TMEM255A: variants seen among roughly 807,000 people sequenced by gnomAD.
TMEM255A encodes the protein family with sequence similarity 70, member A.
A neutral mutation model predicts 23.5 loss-of-function variants in TMEM255A; 14 were observed. The observed-to-expected ratio is 0.60, with a 90% CI of 0.39 to 0.93. The LOEUF is 0.93. Ranked by LOEUF, TMEM255A falls within the 40% of genes least tolerant of loss-of-function variation. The pLI is 0.00. For synonymous variants in TMEM255A, 104 were observed against 100.3 expected (o/e 1.04, Z -0.22); for missense variants, 233 against 261.7 (o/e 0.89, Z 0.76).
chrX:120,256,426 G>A (rs1556015473), downstream of TMEM255A: 4 of 122,143 alleles, frequency 3.3e-5, no homozygotes, highest in South Asian at 3.8e-4. Flanking sequence ...TTCATATTGC[G>A]TAGAATCTCC....
intron 7 of TMEM255A, 28 bp from the exon 8 acceptor site, chrX:120,268,415 C>G (rs1455522203): frequency 1.8e-5 from 20 of 1,117,738 alleles, no homozygotes; most frequent in Non-Finnish European, 2.3e-5. Context: ...TTAGAAACAA[C>G]ATAAACAGTC....
the TMEM255A span, chrX:120,253,297 G>A: frequency 1.3e-5 from 10 of 776,801 alleles, no homozygotes; most frequent in South Asian, 3.4e-4. Context: ...AAATTATGCT[G>A]AACTTTGGTT....
chrX:120,280,582 G>T (rs2057830766), intron 6 of TMEM255A, among the ~76,000 whole-genome samples: 1 of 110,820 alleles, frequency 9.0e-6, no homozygotes, highest in Non-Finnish European at 1.9e-5. Flanking sequence ...CATTCCCACT[G>T]CTCCCATCCT....
At chrX:120,253,752 A>G, downstream of TMEM255A, 1 of 1,211,818 alleles carries the variant, frequency 8.3e-7, no homozygotes, top group Non-Finnish European at 1.1e-6. Context: ...AGTGAAATTT[A>G]TAGCAGAGCT....
intron 2 of TMEM255A, among the ~76,000 whole-genome samples, chrX:120,296,913 ATAT>A (rs1449095505): frequency 4.6e-3 from 16 of 3,457 alleles, no homozygotes; most frequent in Admixed American, 6.3e-3. Flanking sequence ...TATTATATAT[ATAT>A]TATATATAAT....
chrX:120,309,618 A>G (rs2058086093), intron 1 of TMEM255A, among the ~76,000 whole-genome samples: 1 of 112,779 alleles, frequency 8.9e-6, no homozygotes, highest in Admixed American at 9.3e-5. Flanking sequence ...TCGGGGAGCC[A>G]GGGCTGCGTT....
At position 120,260,919 on chromosome X, in the gene TMEM255A, G is replaced by C. The variant is rs782532177; in HGVS notation, c.929C>G (p.Ser310Cys). 2 of 1,199,451 alleles carry C rather than the reference G, an allele frequency of 1.7e-6. No individual in the cohort carries two copies. The highest frequency in any genetic ancestry group is 3.6e-5 in the South Asian group (2 of 54,923). The change falls in exon 9 of 9, where the codon TCT becomes TGT. Residue 310 changes from serine to cysteine, a missense_variant. Coordinates refer to ENST00000371369, the MANE Select transcript of TMEM255A (RefSeq NM_001104544.3). ...MWSSSAPPRY[S>C]PPYYPPFEKP... ...TTCAAAAGGTGGATAGTAGGGTGGA[G>C]AGTAACGGGGCGGTGCACTTGAGGA... is the stretch of plus-strand genomic sequence containing the variant.
At chrX:120,254,303 T>G, downstream of TMEM255A, 1 of 1,212,109 alleles carries the variant, frequency 8.3e-7, no homozygotes, top group Non-Finnish European at 1.1e-6. Context: ...ATGTCAGTTC[T>G]TCACTTCCAA....
At position 120,260,649 on chromosome X, in the gene TMEM255A, G is replaced by A; in HGVS notation, c.*221C>T. 1 of 395,001 alleles carries A rather than the reference G, an allele frequency of 2.5e-6. No homozygotes were observed. Among genetic ancestry groups the A allele is most frequent in the East Asian group, 4.9e-5 (1 of 20,501 alleles). 32.6% of individuals were successfully genotyped at this position (395,001 alleles called of 1,213,427 possible). ...CTTGCTGGGCTGGCTCCCCAGTCTT[G>A]CTTAGAGAATGTGAGCTGCCCTTCT... On this transcript the variant is annotated 3_prime_UTR_variant, in exon 9 of 9. Transcript: ENST00000371369.
At chrX:120,253,883 C>T (rs2057616668), downstream of TMEM255A, 3 of 1,210,773 alleles carry the variant, frequency 2.5e-6, no homozygotes, top group East Asian at 8.9e-5. Context: ...AAGATGAAGC[C>T]CAAGATAATG....
At chrX:120,273,898 T>G (rs967605427) in intron 7 of TMEM255A, among the ~76,000 whole-genome samples, 1 of 111,999 alleles carries the variant, frequency 8.9e-6, no homozygotes, top group Non-Finnish European at 1.9e-5. Flanking sequence ...ACCCAGCAAT[T>G]CCACCCATAG....
At chrX:120,277,569 A>G (rs1556020094) in intron 6 of TMEM255A, among the ~76,000 whole-genome samples, 1 of 111,172 alleles carries the variant, frequency 9.0e-6, no homozygotes, top group Non-Finnish European at 1.9e-5. Flanking sequence ...AAAGTTCTGC[A>G]AATCCTCACA....
downstream of TMEM255A, chrX:120,256,083 C>T (rs192233362): frequency 1.6e-5 from 2 of 122,916 alleles, no homozygotes; most frequent in Non-Finnish European, 3.8e-5. Flanking sequence ...CTGTAAAAGA[C>T]TTTGGTGGCT....
At position 120,285,193 on chromosome X, in the gene TMEM255A, C is replaced by A. The variant is rs1452738458; in HGVS notation, c.446G>T (p.Arg149Leu). Residue 149 changes from arginine to leucine, a missense_variant, in exon 6 of 9, where the codon CGT becomes CTT. Coordinates refer to ENST00000371369, the MANE Select transcript of TMEM255A (RefSeq NM_001104544.3). ...CCGGATGCGAGGTGTGCAGAATTCA[C>A]GGCTGAGGTGAGGGCAGTTAACCTG... Reference protein sequence around the residue: ...AEEVNCPHLSREFCTPRIRGN... With the variant: ...AEEVNCPHLSLEFCTPRIRGN... The A allele has an allele frequency of 1.7e-6, 2 of 1,210,349 alleles. No homozygotes were observed. The highest frequency in any genetic ancestry group is 3.0e-5 in the East Asian group (1 of 33,833).
intron 2 of TMEM255A, among the ~76,000 whole-genome samples, chrX:120,296,758 TTA>T (rs1424345981): frequency 0.1 from 2,190 of 21,762 alleles, 188 homozygotes; most frequent in South Asian, 0.25. Flanking sequence ...ATATTATATA[TTA>T]TATATATTAA....
the TMEM255A span, chrX:120,253,393 C>T: frequency 1.7e-6 from 2 of 1,175,876 alleles, no homozygotes; most frequent in Non-Finnish European, 2.3e-6. Flanking sequence ...TCTCCCATCC[C>T]CTCCTCTCTT....
chrX:120,270,897 C>G (rs782311958), intron 7 of TMEM255A, among the ~76,000 whole-genome samples: 1 of 111,583 alleles, frequency 9.0e-6, no homozygotes, highest in African/African-American at 3.3e-5. Flanking sequence ...TGTACTTAGG[C>G]TCACCTGAAT....
chrX:120,255,525 A>T (rs2057632630), downstream of TMEM255A: 1 of 726,652 alleles, frequency 1.4e-6, no homozygotes, highest in Non-Finnish European at 2.0e-6. Context: ...GAACAAGTTA[A>T]TTTGATCTGC....
intron 6 of TMEM255A, among the ~76,000 whole-genome samples, chrX:120,282,108 G>A (rs1465872802): frequency 9.0e-6 from 1 of 111,400 alleles, no homozygotes; most frequent in Non-Finnish European, 1.9e-5. Flanking sequence ...ATACACATTT[G>A]GCAAAATTAA....
Sources: gnomAD v4.1 joint callset for allele counts (sites outside exome capture counted in the v4.1 genomes callset) on GRCh38, gnomAD v4.1.1 for gene constraint, MANE v1.5 for transcripts, NCBI Gene and HGNC (gene_info 2026-07-23, HGNC 2026-07-21) for gene names.